Variants in FSTL5 observed in about 807,000 individuals in gnomAD.
FSTL5 encodes the protein follistatin-related protein 5.
FSTL5 carries 62 observed loss-of-function variants against 89.1 expected under a neutral mutation model. The observed-to-expected ratio is 0.70, with a 90% confidence interval of 0.57 to 0.86. The LOEUF (loss-of-function observed/expected upper bound fraction) is 0.86, where lower values mean the gene tolerates loss of function less well. FSTL5 is among the 40% of genes least tolerant of loss of function. The pLI, the probability that FSTL5 is intolerant of heterozygous loss-of-function variation, is 0.00. For missense variants in FSTL5, 1,057 were observed against 1,001.6 expected (o/e 1.06, Z -0.75); for synonymous variants, 383 against 346.2 (o/e 1.11, Z -1.18).
intron 2 of FSTL5, among the ~76,000 whole-genome samples, chr4:162,103,381 C>T (rs1731079011): frequency 6.6e-6 from 1 of 152,196 alleles, no homozygotes; most frequent in South Asian, 2.1e-4. Context: ...TCTGTGCACA[C>T]AGCATTTAGC....
chr4:162,118,931 T>C (rs1731752602), intron 1 of FSTL5, among the ~76,000 whole-genome samples: 1 of 152,160 alleles, frequency 6.6e-6, no homozygotes, highest in South Asian at 2.1e-4. Flanking sequence ...CTGACTATAA[T>C]AAAATCTGAT....
At position 161,592,640 on chromosome 4, in the gene FSTL5, A is replaced by G. The variant is rs559632922; in HGVS notation, c.895-5065T>C. 2.6e-5 allele frequency among the ~76,000 whole-genome samples: 4 copies of G among 152,288 alleles called. No homozygotes were observed. In the East Asian group the frequency reaches 7.7e-4, roughly 29 times the overall value. On this transcript the variant is annotated intron_variant, in intron 7 of 15. Coordinates refer to ENST00000306100, the MANE Select transcript of FSTL5 (RefSeq NM_020116.5). Reference sequence around the variant, plus strand: ...ATGGCTGCATAGTATTCCATGGTGTATATGTGCCACATTTTCTTTATCCAG... The same window carrying G: ...ATGGCTGCATAGTATTCCATGGTGTGTATGTGCCACATTTTCTTTATCCAG...
chr4:162,019,040 T>C (rs1158092123), intron 3 of FSTL5, among the ~76,000 whole-genome samples: 2 of 152,176 alleles, frequency 1.3e-5, no homozygotes, highest in East Asian at 1.9e-4. Flanking sequence ...GATAATATTA[T>C]TCGTGTTATT....
At chr4:161,580,323 T>C (rs1017138628) in intron 8 of FSTL5, among the ~76,000 whole-genome samples, 27 of 152,182 alleles carry the variant, frequency 1.8e-4, no homozygotes, top group African/African-American at 6.5e-4. Flanking sequence ...TAGTAATTCT[T>C]AGGGGAAGCT....
intron 7 of FSTL5, among the ~76,000 whole-genome samples, chr4:161,611,919 T>G (rs955888737): frequency 8.5e-5 from 13 of 152,162 alleles, no homozygotes; most frequent in African/African-American, 3.1e-4. Context: ...GCGGATGTCA[T>G]GAGCACTTAA....
chr4:161,443,687 T>C (rs943088893), intron 15 of FSTL5, among the ~76,000 whole-genome samples: 2 of 151,940 alleles, frequency 1.3e-5, no homozygotes, highest in Admixed American at 1.3e-4. Flanking sequence ...CGGTGCTGTC[T>C]TAAACGACTA....
intron 6 of FSTL5, among the ~76,000 whole-genome samples, chr4:161,756,310 C>T (rs981524529): frequency 4.6e-5 from 7 of 152,100 alleles, no homozygotes; most frequent in South Asian, 4.1e-4. Flanking sequence ...ACCCAACTAA[C>T]GTCTCTTTAT....
chr4:161,967,547 A>G (rs1479058950), intron 3 of FSTL5, among the ~76,000 whole-genome samples: 39 of 151,882 alleles, frequency 2.6e-4, no homozygotes, highest in Admixed American at 2.6e-3. Flanking sequence ...AAAATATTCA[A>G]TAATATGAAA....
chr4:161,976,777 G>A (rs1226940462), intron 3 of FSTL5, among the ~76,000 whole-genome samples: 1 of 152,054 alleles, frequency 6.6e-6, no homozygotes, highest in East Asian at 1.9e-4. Context: ...CATCGCGCCT[G>A]GCCAGGTGCA....
chr4:161,909,761 C>G (rs1733638721), intron 4 of FSTL5, among the ~76,000 whole-genome samples: 1 of 152,100 alleles, frequency 6.6e-6, no homozygotes, highest in African/African-American at 2.4e-5. Context: ...AAATCTGCCA[C>G]TTGTGTATTG....
At chr4:161,628,354 T>C (rs1016287553) in intron 7 of FSTL5, among the ~76,000 whole-genome samples, 1 of 152,116 alleles carries the variant, frequency 6.6e-6, no homozygotes, top group Non-Finnish European at 1.5e-5. Context: ...AAATTGAAAT[T>C]AAAGTATCAG....
At chr4:162,089,944 A>AT (rs1193455465) in intron 2 of FSTL5, among the ~76,000 whole-genome samples, 8 of 152,218 alleles carry the variant, frequency 5.3e-5, no homozygotes, top group African/African-American at 1.7e-4. Context: ...ATTATTACAT[A>AT]TTTTTTCCAT....
chr4:162,031,740 G>A (rs1354717078), intron 3 of FSTL5, among the ~76,000 whole-genome samples: 9 of 151,972 alleles, frequency 5.9e-5, no homozygotes, highest in African/African-American at 1.4e-4. Flanking sequence ...GATCGAGACC[G>A]TCCTGGCCAA....
intron 6 of FSTL5, among the ~76,000 whole-genome samples, chr4:161,662,490 T>C (rs1014775768): frequency 1.3e-5 from 2 of 152,116 alleles, no homozygotes; most frequent in African/African-American, 4.8e-5. Flanking sequence ...AAGTAAAAGC[T>C]ATACTAACTG....
chr4:162,063,592 T>C (rs1321072848), intron 2 of FSTL5, among the ~76,000 whole-genome samples: 1 of 151,924 alleles, frequency 6.6e-6, no homozygotes. Flanking sequence ...TTATTATATA[T>C]GAGAATATGC....
chr4:161,660,523 GGTCAGTGTGT>G (rs1207127846), intron 6 of FSTL5, among the ~76,000 whole-genome samples: 2 of 152,014 alleles, frequency 1.3e-5, no homozygotes, highest in Non-Finnish European at 2.9e-5. Context: ...TTGTTACATA[GGTCAGTGTGT>G]GTCATGGGGA....
At position 161,664,989 on chromosome 4, in the gene FSTL5, C is replaced by T. The variant is rs185157900; in HGVS notation, c.728-8495G>A. The T allele has an allele frequency of 6.0e-3, 923 of 153,792 alleles. 9 individuals carry two copies. Among genetic ancestry groups the T allele is most frequent in the South Asian group, 0.045 (219 of 4,886 alleles). The allele number at this position is 153,792 out of a possible 1,614,324, so 9.5% of individuals were successfully genotyped here. ...GAATAACACGGGAAAGACCGGCCCCCGTGATTCAATTACCTCCCCCTGGGT... is the reference window on the plus strand; with the variant it reads ...GAATAACACGGGAAAGACCGGCCCCTGTGATTCAATTACCTCCCCCTGGGT... On this transcript the variant is annotated intron_variant, in intron 6 of 15. Transcript: ENST00000306100.
intron 8 of FSTL5, among the ~76,000 whole-genome samples, chr4:161,551,739 G>A (rs1050115076): frequency 6.4e-4 from 97 of 152,032 alleles, no homozygotes; most frequent in African/African-American, 2.2e-3. Context: ...ATGGGGAAAC[G>A]ATTCCCTATT....
At chr4:161,651,032 C>T (rs1469276716) in intron 7 of FSTL5, among the ~76,000 whole-genome samples, 3 of 152,146 alleles carry the variant, frequency 2.0e-5, no homozygotes, top group Non-Finnish European at 4.4e-5. Flanking sequence ...CCAATCCTGA[C>T]AACCAATTCT....
Sources: allele counts gnomAD v4.1 joint callset (sites outside exome capture counted in the v4.1 genomes callset), GRCh38; gene constraint gnomAD v4.1.1; transcripts MANE v1.5; gene names NCBI Gene and HGNC (gene_info 2026-07-23, HGNC 2026-07-21).